Variants in CECR2 observed in about 807,000 individuals in gnomAD.
The protein encoded by CECR2 is chromatin remodeling regulator CECR2.
In CECR2, 30 loss-of-function variants were observed where a neutral mutation model predicts 154.5. The observed-to-expected ratio is 0.19, with a 90% confidence interval of 0.15 to 0.26. The LOEUF (loss-of-function observed/expected upper bound fraction) is 0.26. Ranked by LOEUF, CECR2 falls within the 10% of genes least tolerant of loss-of-function variation. The probability of loss-of-function intolerance (pLI) is 1.00; values close to 1 mark genes in which losing one functional copy is unlikely to be tolerated. For synonymous variants in CECR2, 725 were observed against 683.7 expected (o/e 1.06, Z -0.94); for missense variants, 1,743 against 1,829.3 (o/e 0.95, Z 0.86).
At chr22:17,453,184 G>A (rs1030532473) in intron 1 of CECR2, among the ~76,000 whole-genome samples, 9 of 152,194 alleles carry the variant, frequency 5.9e-5, no homozygotes, top group African/African-American at 9.7e-5. Context: ...ACTTACGCCC[G>A]TAGTCCCAGA....
intron 16 of CECR2, 130 bp from the exon 17 acceptor site, chr22:17,548,018 C>CA: frequency 1.2e-6 from 1 of 857,074 alleles, no homozygotes; most frequent in Non-Finnish European, 1.7e-6. Context: ...TTCAGGGACT[C>CA]AAACAATTTC....
intron 2 of CECR2, among the ~76,000 whole-genome samples, chr22:17,496,540 T>G (rs1275922982): frequency 1.3e-5 from 2 of 151,894 alleles, no homozygotes; most frequent in Non-Finnish European, 2.9e-5. Context: ...GAAAAAAAAT[T>G]TAGAATGCAG....
At chr22:17,415,391 G>T (rs57312764) in intron 1 of CECR2, among the ~76,000 whole-genome samples, 3 of 151,886 alleles carry the variant, frequency 2.0e-5, no homozygotes, top group African/African-American at 7.3e-5. Context: ...ACAGGGGCGC[G>T]CCACCGTGCC....
chr22:17,476,763 T>TGTGG (rs1272124237), intron 1 of CECR2, among the ~76,000 whole-genome samples: 1 of 152,168 alleles, frequency 6.6e-6, no homozygotes, highest in East Asian at 1.9e-4. Context: ...GTTGAAAGAA[T>TGTGG]GTGGGCAAAC....
chr22:17,507,767 G>A (rs935918341), intron 7 of CECR2, among the ~76,000 whole-genome samples: 2 of 152,110 alleles, frequency 1.3e-5, no homozygotes, highest in Non-Finnish European at 2.9e-5. Flanking sequence ...AGAAATAATG[G>A]ATTTGATATT....
intron 5 of CECR2, among the ~76,000 whole-genome samples, chr22:17,501,603 A>G (rs879163792): frequency 6.6e-6 from 1 of 152,164 alleles, no homozygotes; most frequent in African/African-American, 2.4e-5. Context: ...TTTTAACTCA[A>G]TCAGCATCCA....
intron 1 of CECR2, among the ~76,000 whole-genome samples, chr22:17,360,840 T>G (rs1569031554): frequency 8.7e-6 from 1 of 114,592 alleles, no homozygotes; most frequent in African/African-American, 4.1e-5. Flanking sequence ...TGAGACCCTG[T>G]CTCAAACAAA....
At chr22:17,431,778 T>TTTTTTTG (rs1218210567) in intron 1 of CECR2, among the ~76,000 whole-genome samples, 1 of 88,220 alleles carries the variant, frequency 1.1e-5, no homozygotes, top group African/African-American at 5.9e-5. Flanking sequence ...GTATTTTTTT[T>TTTTTTTG]TTGGGAGGGG....
intron 7 of CECR2, among the ~76,000 whole-genome samples, chr22:17,509,423 T>G (rs1240167570): frequency 1.6e-5 from 2 of 121,858 alleles, no homozygotes; most frequent in Admixed American, 7.9e-5. Context: ...ACCTTGTTTC[T>G]TTTCTTTTTT....
Position 17,503,078 on chromosome 22 carries a change from T to A in CECR2, c.651-4T>A. ...AATTGGCACCTCTTTTTCCTGTGTT[T>A]CAGTGAAAAGCAGGAAGAAAATTCC... On this transcript the variant is annotated splice_region_variant and splice_polypyrimidine_tract_variant and intron_variant, in intron 5 of 18. Coordinates refer to ENST00000262608, the MANE Select transcript of CECR2 (RefSeq NM_001290047.2). 1.2e-6 allele frequency: 2 copies of A among 1,610,306 alleles called. No homozygotes were observed. The highest frequency in any genetic ancestry group is 1.7e-6 in the Non-Finnish European group (2 of 1,178,268).
intron 2 of CECR2, 122 bp from the exon 3 acceptor site, chr22:17,497,281 C>A (rs891094512): frequency 2.1e-6 from 2 of 934,220 alleles, no homozygotes; most frequent in African/African-American, 1.7e-5. Context: ...CAGAGCGAGA[C>A]CCTGTCTGTA....
At chr22:17,365,123 C>T (rs140641804), upstream of CECR2, among the ~76,000 whole-genome samples, 2,103 of 152,010 alleles carry the variant, frequency 0.014, 55 homozygotes, top group African/African-American at 0.048. Context: ...ACTCGGGAGG[C>T]TGAGGCAGGA....
chr22:17,532,210 T>A (rs2056366329), intron 9 of CECR2, among the ~76,000 whole-genome samples: 1 of 152,164 alleles, frequency 6.6e-6, no homozygotes, highest in African/African-American at 2.4e-5. Context: ...TTGAATTTTT[T>A]TATTAGTTCC....
intron 8 of CECR2, chr22:17,518,792 GT>G: frequency 3.0e-6 from 1 of 338,352 alleles, no homozygotes; most frequent in South Asian, 2.9e-5. Flanking sequence ...TGCAGAGCCA[GT>G]TTTCTTTTTT....
chr22:17,371,995 T>TA (rs2063066944), intron 1 of CECR2, among the ~76,000 whole-genome samples: 1 of 152,228 alleles, frequency 6.6e-6, no homozygotes, highest in Non-Finnish European at 1.5e-5. Context: ...TTTATATGTA[T>TA]AACATGAAAA....
rs551649029 is a variant in CECR2 at position 17,512,719 on chromosome 22, A to G, written c.954+823A>G. On this transcript the variant is annotated intron_variant, in intron 8 of 18. Transcript: ENST00000262608. ...TCACTCTGTCTCAGAAAAAAAAAAA[A>G]AAAAAGAAAGAAAGAAAAGAAAACC... Among the ~76,000 whole-genome samples, 691 of 148,956 alleles carry G rather than the reference A, an allele frequency of 4.6e-3. 4 individuals are homozygous for G. The highest frequency in any genetic ancestry group is 0.016 in the African/African-American group (628 of 38,766).
At chr22:17,532,968 C>T (rs539023959) in intron 9 of CECR2, among the ~76,000 whole-genome samples, 5 of 151,284 alleles carry the variant, frequency 3.3e-5, no homozygotes, top group South Asian at 2.1e-4. Context: ...TGATCCACTG[C>T]GCCTAGCCGC....
At chr22:17,495,927 G>A (rs1373810954) in intron 2 of CECR2, among the ~76,000 whole-genome samples, 1 of 149,490 alleles carries the variant, frequency 6.7e-6, no homozygotes, top group Non-Finnish European at 1.5e-5. Flanking sequence ...TTATAGTCCA[G>A]ATGCTCTGGA....
At chr22:17,469,386 C>A (rs5746412) in intron 1 of CECR2, among the ~76,000 whole-genome samples, 2 of 152,170 alleles carry the variant, frequency 1.3e-5, no homozygotes, top group Non-Finnish European at 2.9e-5. Context: ...CACCACCCTT[C>A]TAATACTAGG....
Sources: gnomAD v4.1 joint callset for allele counts (sites outside exome capture counted in the v4.1 genomes callset) on GRCh38, gnomAD v4.1.1 for gene constraint, MANE v1.5 for transcripts, NCBI Gene and HGNC (gene_info 2026-07-23, HGNC 2026-07-21) for gene names.